The following MINDY1 variants were observed in gnomAD, a reference collection of about 807,000 sequenced individuals.
The protein encoded by MINDY1 is MINDY lysine 48 deubiquitinase 1.
In MINDY1, 50 loss-of-function variants were observed where a neutral mutation model predicts 53.6. The ratio of observed to expected loss-of-function variants is 0.93; its 90% CI spans 0.74 to 1.18. The LOEUF (loss-of-function observed/expected upper bound fraction) is 1.18. MINDY1 is among the 50% of genes most tolerant of loss of function. The pLI is 0.00. For synonymous variants in MINDY1, 231 were observed against 234.7 expected, an observed-to-expected ratio of 0.98 and a Z score of 0.14; for missense variants, 484 against 578.6, an observed-to-expected ratio of 0.84 and a Z score of 1.68.
intron 7 of MINDY1, 100 bp from the exon 8 acceptor site, chr1:150,998,373 G>A (rs1672100953): frequency 9.1e-7 from 1 of 1,093,700 alleles, no homozygotes; most frequent in Admixed American, 2.2e-5. Flanking sequence ...TTTTTTCTTG[G>A]AGATGGAGTC....
At chr1:150,998,326 T>G in intron 7 of MINDY1, 53 bp from the exon 8 acceptor site, 1 of 1,511,138 alleles carries the variant, frequency 6.6e-7, no homozygotes, top group Non-Finnish European at 9.0e-7. Flanking sequence ...CGGAGGCAGT[T>G]CACTGCCAGA....
chr1:151,006,276 A>T, intron 1 of MINDY1, 36 bp downstream of exon 1: 9 of 1,452,764 alleles, frequency 6.2e-6, no homozygotes, highest in Non-Finnish European at 8.2e-6. Context: ...AGGGTGGGAG[A>T]AGAGGTGAAG....
At chr1:151,000,925 C>T (rs749632436) in intron 4 of MINDY1, among the ~76,000 whole-genome samples, 6 of 151,944 alleles carry the variant, frequency 3.9e-5, no homozygotes, top group East Asian at 3.9e-4. Flanking sequence ...ACTACAGGCA[C>T]GCACCGCCAT....
chr1:151,001,805 C>A (rs375482038), intron 2 of MINDY1, 23 bp from the exon 3 acceptor site: 73 of 1,575,336 alleles, frequency 4.6e-5, no homozygotes, highest in Non-Finnish European at 5.6e-5. Context: ...GGGGTGATCA[C>A]GTGTGTGCTT....
chr1:151,008,358 C>A, upstream of MINDY1: 4 of 1,306,778 alleles, frequency 3.1e-6, no homozygotes, highest in Non-Finnish European at 4.0e-6. Flanking sequence ...CGCCACGCCC[C>A]CTTGGCCTCG....
At chr1:150,998,317 G>C in intron 7 of MINDY1, 44 bp from the exon 8 acceptor site, 1 of 1,547,848 alleles carries the variant, frequency 6.5e-7, no homozygotes, top group Non-Finnish European at 8.7e-7. Context: ...CAGTTGATAC[G>C]GAGGCAGTTC....
At chr1:151,001,119 C>T (rs1426749333) in intron 4 of MINDY1, 131 bp downstream of exon 4, 1 of 947,598 alleles carries the variant, frequency 1.1e-6, no homozygotes, top group Non-Finnish European at 1.6e-6. Context: ...GATAAACTCT[C>T]CTCTGACTCC....
At position 150,999,979 on chromosome 1, in the gene MINDY1, G is replaced by C. The variant is rs201642758; in HGVS notation, c.736-15C>G. 10 of 1,588,828 alleles carry C rather than the reference G, an allele frequency of 6.3e-6. No individual in the cohort carries two copies. In the East Asian group the frequency reaches 2.2e-4, roughly 36 times the overall value. The stretch of plus-strand genomic sequence containing the variant: ...GCCTCAGGACTCTGCTTGGGTAGTG[G>C]GATGTGGGATACCAAAAAAATTGGG... On this transcript the variant is annotated splice_polypyrimidine_tract_variant and intron_variant, in intron 5 of 9. Coordinates refer to ENST00000683666, the MANE Select transcript of MINDY1 (RefSeq NM_001376665.1). The surrounding 1 kb of genome is among the most constrained non-coding windows in gnomAD (Gnocchi z 4.4).
intron 1 of MINDY1, among the ~76,000 whole-genome samples, chr1:151,004,731 A>AAAAATAAAATAAAATAAAAT (rs139261422): frequency 1.5e-5 from 2 of 136,590 alleles, no homozygotes; most frequent in Admixed American, 7.5e-5. Context: ...ACTCCATCTC[A>AAAAATAAAATAAAATAAAAT]AAAATAAAAT....
Position 150,999,387 on chromosome 1 carries a change from G to A in MINDY1, c.963C>T (p.Ser321=). Residue 321 remains serine, a synonymous_variant, in exon 7 of 10, where the codon AGC becomes AGT. Coordinates refer to ENST00000683666, the MANE Select transcript of MINDY1 (RefSeq NM_001376665.1). The surrounding 1 kb of genome is among the most constrained non-coding windows in gnomAD (Gnocchi z 4.4). ...GCATTACCTTATGCTTAGTCATGGT[G>A]CTAAAGTGGTTGTTTCGGAAAAAGA... ...LSVFFRNNHF[S]TMTKHKSHLY... 2 of 1,614,138 alleles carry A rather than the reference G, an allele frequency of 1.2e-6. No individual in the cohort carries two copies. Among genetic ancestry groups the A allele is most frequent in the Non-Finnish European group, 8.5e-7 (1 of 1,180,008 alleles).
chr1:150,997,330 C>T lies in MINDY1; in HGVS notation c.1367G>A (p.Arg456His), dbSNP rs777714745. The T allele has an allele frequency of 1.1e-5, 18 of 1,601,924 alleles. No homozygotes were observed. The highest frequency in any genetic ancestry group is 5.1e-5 in the Admixed American group (3 of 59,250). ...GATSGRPAGE[R>H]RQRPKHESDC... ...TGACTCGTGCTTCGGCCTCTGCCGA[C>T]GCTCCCCGGCTGGGCGTCCAGATGT... is the stretch of plus-strand genomic sequence containing the variant. Residue 456 changes from arginine (R) to histidine (H), a missense_variant, in exon 10 of 10, where the codon CGT (arginine) becomes CAT (histidine). By Grantham distance (29) the Arg-to-His change is conservative (BLOSUM62 0). Coordinates refer to ENST00000683666, the MANE Select transcript of MINDY1 (RefSeq NM_001376665.1).
upstream of MINDY1, chr1:151,008,360 T>G: frequency 7.7e-7 from 1 of 1,300,322 alleles, no homozygotes; most frequent in Non-Finnish European, 1.0e-6. Flanking sequence ...CCACGCCCCC[T>G]TGGCCTCGCC....
intron 4 of MINDY1, 119 bp downstream of exon 4, chr1:151,001,131 G>T: frequency 9.4e-7 from 1 of 1,059,134 alleles, no homozygotes; most frequent in Non-Finnish European, 1.4e-6. Flanking sequence ...TCTGACTCCT[G>T]CAGAATGAAA....
chr1:151,000,083 CT>C (rs201856676), intron 5 of MINDY1, 119 bp from the exon 6 acceptor site: 96,835 of 495,194 alleles, frequency 0.2, 3,011 homozygotes, highest in East Asian at 0.3. Flanking sequence ...TTCCTAAACA[CT>C]TTTTTTTTTT....
Position 150,997,016 on chromosome 1 carries a change from G to A in MINDY1, c.*271C>T. The A allele has an allele frequency of 4.0e-6, 2 of 505,086 alleles. No individual in the cohort carries two copies. The highest frequency in any genetic ancestry group is 7.1e-6 in the Non-Finnish European group (2 of 280,594). The allele number at this position is 505,086 out of a possible 1,614,324, so 31.3% of individuals were successfully genotyped here. A position where few individuals can be genotyped will look rare whatever the true frequency, so the allele number is the denominator to read the frequency against. ...ATAGGGACCTCACCCCAGAGCCTCA[G>A]TCTGTACATACGTGTGACTATTCAG... On this transcript the variant is annotated 3_prime_UTR_variant, in exon 10 of 10. Transcript: ENST00000683666.
chr1:151,003,717 A>T (rs587699687), intron 1 of MINDY1, among the ~76,000 whole-genome samples: 1 of 152,008 alleles, frequency 6.6e-6, no homozygotes, highest in Admixed American at 6.6e-5. Flanking sequence ...GGACCCAGTA[A>T]GCATCTCTTG....
chr1:151,001,312 T>C lies in MINDY1; in HGVS notation c.514A>G (p.Asn172Asp), dbSNP rs747630819. The stretch of plus-strand genomic sequence containing the variant: ...TGGGGCTTGATGGACAGGAGGCAGT[T>C]TCCTACAAGACAGGGCCCCTTATCA... Reference protein sequence around the residue: ...TSDELMAHLGNCLLSIKPQEK... With the variant: ...TSDELMAHLGDCLLSIKPQEK... The change falls in exon 4 of 10, where the codon AAC (asparagine) becomes GAC (aspartate). Residue 172 changes from asparagine (N) to aspartate (D), a missense_variant and splice_region_variant. Asn to Asp is a conservative substitution (Grantham distance 23). Transcript: ENST00000683666. 2.5e-6 allele frequency: 4 copies of C among 1,614,136 alleles called. No homozygotes were observed. Among genetic ancestry groups the C allele is most frequent in the Non-Finnish European group, 3.4e-6 (4 of 1,180,012 alleles).
Position 150,997,363 on chromosome 1 carries a change from C to T in MINDY1, c.1334G>A (p.Arg445Lys). Residue 445 changes from arginine (R) to lysine (K), a missense_variant, in exon 10 of 10, where the codon AGA becomes AAA. Transcript: ENST00000683666. Reference sequence around the variant, plus strand: ...GGCTGGGCGTCCAGATGTGGCTCCTCTCCCCTGTATCGGATTTAACAATTG... The same window carrying T: ...GGCTGGGCGTCCAGATGTGGCTCCTTTCCCCTGTATCGGATTTAACAATTG... ...MRTRVLSLQGRGATSGRPAGE... is the reference protein window; with the variant it reads ...MRTRVLSLQGKGATSGRPAGE... 1 of 1,599,502 alleles carries T rather than the reference C, an allele frequency of 6.3e-7. No homozygotes were observed.
Position 151,001,717 on chromosome 1 carries a change from T to C in MINDY1, c.511+8A>G. The C allele has an allele frequency of 6.2e-7, 1 of 1,610,260 alleles. No individual in the cohort carries two copies. Among genetic ancestry groups the C allele is most frequent in the Non-Finnish European group, 8.5e-7 (1 of 1,178,912 alleles). ...TGGGTAATTCCTCTTCAACGCCCAG[T>C]CACTCACCAAGATGGGCCATGAGCT... On this transcript the variant is annotated splice_region_variant and intron_variant, in intron 3 of 9. Coordinates refer to ENST00000683666, the MANE Select transcript of MINDY1 (RefSeq NM_001376665.1).
Sources: allele counts gnomAD v4.1 joint callset (sites outside exome capture counted in the v4.1 genomes callset), GRCh38; gene constraint gnomAD v4.1.1; non-coding constraint Gnocchi (gnomAD v3.1); transcripts MANE v1.5; gene names NCBI Gene and HGNC (gene_info 2026-07-23, HGNC 2026-07-21).